The following KIF15 variants were observed in gnomAD, a reference collection of about 807,000 sequenced individuals.
KIF15 encodes kinesin family member 15, also known as kinesin-like protein KIF15.
In KIF15, 140 loss-of-function variants were observed where a neutral mutation model predicts 190.6. That is an observed-to-expected ratio of 0.73 (90% CI 0.64 to 0.84). KIF15 has a LOEUF of 0.84. Among genes scored for constraint, KIF15 ranks in the 40% least tolerant of loss-of-function variants. The pLI is 0.00. For synonymous variants in KIF15, 528 were observed against 551.3 expected (o/e 0.96, Z 0.59); for missense variants, 1,372 against 1,584.4 (o/e 0.87, Z 2.28).
downstream of KIF15, among the ~76,000 whole-genome samples, chr3:44,858,168 A>G (rs1328623234): frequency 2.0e-5 from 3 of 152,198 alleles, no homozygotes; most frequent in East Asian, 3.9e-4. Context: ...TTTAAGATCA[A>G]GAATGGAATA....
chr3:44,787,973 G>A (rs1706493772), intron 7 of KIF15, among the ~76,000 whole-genome samples: 1 of 152,022 alleles, frequency 6.6e-6, no homozygotes, highest in African/African-American at 2.4e-5. Context: ...TCGTGCCTTA[G>A]CCTCCCAAGT....
In KIF15 at chr3:44,811,229, T is replaced by G. The variant is rs143116761; in HGVS notation, c.2169+186T>G. Reference sequence around the variant, plus strand: ...GCCCACTCTTGCTTTTTGTCTCTACTTTACAATCTTTAGCAAGTCATTCTC... The same window carrying G: ...GCCCACTCTTGCTTTTTGTCTCTACGTTACAATCTTTAGCAAGTCATTCTC... On this transcript the variant is annotated intron_variant, in intron 17 of 34. Transcript: ENST00000326047. Among the ~76,000 whole-genome samples, 3 of 152,342 alleles carry G rather than the reference T, an allele frequency of 2.0e-5. No homozygotes were observed. The East Asian group carries it at 5.8e-4, about 29-fold the overall frequency.
rs1478966920 is a variant in KIF15 at position 44,812,233 on chromosome 3, C to A, written c.2221C>A (p.Leu741Ile). The A allele has an allele frequency of 6.2e-7, 1 of 1,613,982 alleles. No individual in the cohort carries two copies. The highest frequency in any genetic ancestry group is 8.5e-7 in the Non-Finnish European group (1 of 1,179,962). The change falls in exon 18 of 35, where the codon CTA (leucine) becomes ATA (isoleucine). Residue 741 changes from leucine (L) to isoleucine (I), a missense_variant. Coordinates refer to ENST00000326047, the MANE Select transcript of KIF15 (RefSeq NM_020242.3). ...ACTGGATGAAGAAGAGCATAAAAACCTAAAGCTTCAGCAGCATGTTGACAA... is the reference window on the plus strand; with the variant it reads ...ACTGGATGAAGAAGAGCATAAAAACATAAAGCTTCAGCAGCATGTTGACAA... ...AKLDEEEHKN[L>I]KLQQHVDKLE... is the part of the protein sequence containing the mutation.
At chr3:44,819,372 G>T (rs1708162655) in intron 20 of KIF15, among the ~76,000 whole-genome samples, 1 of 152,128 alleles carries the variant, frequency 6.6e-6, no homozygotes, top group African/African-American at 2.4e-5. Flanking sequence ...GCTTTCTCCT[G>T]TGGGCATTTA....
intron 26 of KIF15, among the ~76,000 whole-genome samples, chr3:44,832,143 C>T (rs1698103584): frequency 6.6e-6 from 1 of 152,100 alleles, no homozygotes; most frequent in Admixed American, 6.5e-5. Flanking sequence ...AAGACCTCCT[C>T]AGAAGAGAGA....
chr3:44,765,924 CT>C, intron 1 of KIF15: 1 of 156,048 alleles, frequency 6.4e-6, no homozygotes, highest in Non-Finnish European at 1.4e-5. Context: ...CCTCCACCTC[CT>C]GAGTTCAAGC....
At chr3:44,837,104 T>G (rs1186063573) in intron 26 of KIF15, among the ~76,000 whole-genome samples, 1 of 152,196 alleles carries the variant, frequency 6.6e-6, no homozygotes, top group Non-Finnish European at 1.5e-5. Context: ...AGGGCCAATT[T>G]CTATGTTTAT....
At chr3:44,767,696 C>A (rs1424336399) in intron 1 of KIF15, among the ~76,000 whole-genome samples, 1 of 150,826 alleles carries the variant, frequency 6.6e-6, no homozygotes, top group Non-Finnish European at 1.5e-5. Flanking sequence ...GAGATGGAGA[C>A]CATCCTGGCT....
intron 30 of KIF15, among the ~76,000 whole-genome samples, chr3:44,846,385 A>G (rs1559592654): frequency 2.0e-5 from 3 of 152,344 alleles, no homozygotes; most frequent in South Asian, 4.1e-4. Context: ...CAGTCTTAAC[A>G]AAGAGTTTTA....
chr3:44,778,979 C>CAAAAAAAA (rs60269306), intron 4 of KIF15, among the ~76,000 whole-genome samples: 1 of 77,716 alleles, frequency 1.3e-5, no homozygotes, highest in African/African-American at 5.1e-5. Flanking sequence ...GACTCCGCCT[C>CAAAAAAAA]AAAAAAAAAA....
chr3:44,841,400 T>TG, intron 29 of KIF15, among the ~76,000 whole-genome samples, 162 bp downstream of exon 29: 1 of 151,322 alleles, frequency 6.6e-6, no homozygotes, highest in Non-Finnish European at 1.5e-5. Flanking sequence ...AATTTTTTTT[T>TG]TTTTGTTTTT....
intron 13 of KIF15, among the ~76,000 whole-genome samples, chr3:44,802,349 A>G (rs777068465): frequency 2.0e-5 from 3 of 152,172 alleles, no homozygotes; most frequent in Non-Finnish European, 4.4e-5. Flanking sequence ...GGAAAACCCA[A>G]AATCTCTTAT....
chr3:44,867,285 G>A (rs977268474), intron 6 of KIF15, among the ~76,000 whole-genome samples: 6 of 152,150 alleles, frequency 3.9e-5, no homozygotes, highest in African/African-American at 1.4e-4. Context: ...GACTCAGCAT[G>A]CCCAAACCTC....
intron 3 of KIF15, among the ~76,000 whole-genome samples, chr3:44,777,886 A>G (rs565117650): frequency 6.6e-6 from 1 of 152,362 alleles, no homozygotes; most frequent in South Asian, 2.1e-4. Context: ...TATGCTCTAC[A>G]AAATTCTGTA....
At chr3:44,858,469 T>C (rs906304774) in intron 6 of KIF15, among the ~76,000 whole-genome samples, 1 of 151,866 alleles carries the variant, frequency 6.6e-6, no homozygotes, top group African/African-American at 2.4e-5. Context: ...GGGATAGTAA[T>C]GCGCGTGTGA....
intron 5 of KIF15, 115 bp downstream of exon 5, chr3:44,781,037 G>A: frequency 2.6e-6 from 2 of 762,568 alleles, no homozygotes; most frequent in East Asian, 2.7e-5. Flanking sequence ...CTTGAAATTA[G>A]GGAAATTCCC....
rs1279716717 is a variant in KIF15 at position 44,801,946 on chromosome 3, G to C, written c.1481G>C (p.Arg494Thr). The C allele has an allele frequency of 6.2e-7, 1 of 1,612,936 alleles. No individual in the cohort carries two copies. Among genetic ancestry groups the C allele is most frequent in the Admixed American group, 1.7e-5 (1 of 59,970 alleles). Reference sequence around the variant, plus strand: ...CAGGATCGTTTGCTCTCAGAATTAAGGAATGAGATTCAAACTCTGCGAGAA... The same window carrying C: ...CAGGATCGTTTGCTCTCAGAATTAACGAATGAGATTCAAACTCTGCGAGAA... ...EEQDRLLSEL[R>T]NEIQTLREQI... Residue 494 changes from arginine to threonine, a missense_variant, in exon 13 of 35, where the codon AGG becomes ACG. Physicochemically the swap from Arg to Thr is moderately conservative, Grantham distance 71. Transcript: ENST00000326047.
At chr3:44,838,502 G>T in intron 27 of KIF15, 81 bp downstream of exon 27, 1 of 1,435,100 alleles carries the variant, frequency 7.0e-7, no homozygotes, top group Non-Finnish European at 9.4e-7. Context: ...CCAGCACTTT[G>T]AGAGGCCAAG....
chr3:44,812,138 T>C, intron 17 of KIF15, 44 bp from the exon 18 acceptor site: 1 of 1,369,958 alleles, frequency 7.3e-7, no homozygotes, highest in Non-Finnish European at 1.0e-6. Context: ...TGTTTGAGAA[T>C]TCCATTAAAA....
Sources: allele counts gnomAD v4.1 joint callset (sites outside exome capture counted in the v4.1 genomes callset), GRCh38; gene constraint gnomAD v4.1.1; transcripts MANE v1.5; gene names NCBI Gene and HGNC (gene_info 2026-07-23, HGNC 2026-07-21).